DRC8: variants seen among roughly 807,000 people sequenced by gnomAD.
DRC8 encodes the protein dynein regulatory complex protein 8.
chr1:244,982,419 C>T, the DRC8 span, among the ~76,000 whole-genome samples: 1 of 152,206 alleles, frequency 6.6e-6, no homozygotes, highest in African/African-American at 2.4e-5. Context: ...AATCCCAGCA[C>T]TTTGGGAGGC....
chr1:244,995,550 G>A, the DRC8 span, among the ~76,000 whole-genome samples: 2 of 152,002 alleles, frequency 1.3e-5, no homozygotes, highest in Admixed American at 1.3e-4. Context: ...GTAGAGATGA[G>A]GTCTCTCTGT....
chr1:245,113,358 G>A, the DRC8 span, among the ~76,000 whole-genome samples: 1 of 152,148 alleles, frequency 6.6e-6, no homozygotes, highest in Non-Finnish European at 1.5e-5. Flanking sequence ...ATTAGTGGAG[G>A]TTGCTGACCA....
chr1:245,046,256 A>G, the DRC8 span, among the ~76,000 whole-genome samples: 5,265 of 151,364 alleles, frequency 0.035, 322 homozygotes, highest in African/African-American at 0.12. Flanking sequence ...TTTTTTTCCT[A>G]TCTCCTGTAA....
the DRC8 span, among the ~76,000 whole-genome samples, chr1:244,983,105 A>G: frequency 3.3e-5 from 5 of 152,144 alleles, no homozygotes; most frequent in Non-Finnish European, 5.9e-5. Context: ...GTTAAAACAT[A>G]GATTGTTGGG....
At chr1:245,051,673 G>C in the DRC8 span, among the ~76,000 whole-genome samples, 1 of 152,144 alleles carries the variant, frequency 6.6e-6, no homozygotes, top group Non-Finnish European at 1.5e-5. Flanking sequence ...AAAGGAAGCC[G>C]GGAAATAGAA....
the DRC8 span, chr1:245,091,072 T>C: frequency 6.6e-6 from 1 of 152,232 alleles, no homozygotes. Context: ...AGAGACCTGA[T>C]GTGCCACTGG....
the DRC8 span, chr1:245,083,897 C>T: frequency 1.8e-5 from 10 of 564,936 alleles, no homozygotes; most frequent in African/African-American, 9.6e-5. Context: ...GTTGTTGTCT[C>T]GTAGAATTTT....
the DRC8 span, among the ~76,000 whole-genome samples, chr1:244,994,557 G>A: frequency 6.6e-6 from 1 of 152,130 alleles, no homozygotes; most frequent in East Asian, 1.9e-4. Context: ...AGCCTCCCAA[G>A]TAGCTGGGTC....
the DRC8 span, among the ~76,000 whole-genome samples, chr1:245,078,493 T>G: frequency 6.6e-6 from 1 of 152,022 alleles, no homozygotes; most frequent in African/African-American, 2.4e-5. Flanking sequence ...TGGAATATTA[T>G]TCAGCCTTAA....
chr1:245,079,480 G>A, the DRC8 span, among the ~76,000 whole-genome samples: 4 of 152,166 alleles, frequency 2.6e-5, no homozygotes, highest in Non-Finnish European at 5.9e-5. Flanking sequence ...GCACCATAAT[G>A]TTCACATCCC....
At chr1:245,077,463 A>C in the DRC8 span, among the ~76,000 whole-genome samples, 1 of 152,210 alleles carries the variant, frequency 6.6e-6, no homozygotes, top group Non-Finnish European at 1.5e-5. Flanking sequence ...TCACAAATGA[A>C]ATTACAAATT....
chr1:245,025,751 AG>A, the DRC8 span, among the ~76,000 whole-genome samples: 1 of 152,122 alleles, frequency 6.6e-6, no homozygotes, highest in Non-Finnish European at 1.5e-5. Flanking sequence ...ATGTTGTGGG[AG>A]GGACCCGGTA....
the DRC8 span, among the ~76,000 whole-genome samples, chr1:245,019,561 A>T: frequency 6.6e-6 from 1 of 152,014 alleles, no homozygotes; most frequent in Non-Finnish European, 1.5e-5. Flanking sequence ...TTGTAGTGAC[A>T]GGGGTGTTGC....
At chr1:245,011,463 C>T in the DRC8 span, among the ~76,000 whole-genome samples, 1 of 152,234 alleles carries the variant, frequency 6.6e-6, no homozygotes, top group African/African-American at 2.4e-5. Context: ...CTGTTAGCAA[C>T]AGCAAACACC....
the DRC8 span, among the ~76,000 whole-genome samples, chr1:245,072,312 GGTCTCACTCTGTCACCCAGGCTGGA>G: frequency 1.3e-5 from 2 of 151,872 alleles, no homozygotes; most frequent in Non-Finnish European, 2.9e-5. Flanking sequence ...TTTGAGACAG[GGTCTCACTCTGTCACCCAGGCTGGA>G]GTGCCAGTTC....
At chr1:245,068,711 G>A in the DRC8 span, among the ~76,000 whole-genome samples, 1 of 151,762 alleles carries the variant, frequency 6.6e-6, no homozygotes, top group African/African-American at 2.4e-5. Flanking sequence ...CAAAGTGCAG[G>A]GATTACAGGT....
chr1:245,087,455 A>G, the DRC8 span: 1 of 1,448,872 alleles, frequency 6.9e-7, no homozygotes, highest in African/African-American at 1.4e-5. Context: ...TATATGTGAT[A>G]TTTAATACCT....
the DRC8 span, among the ~76,000 whole-genome samples, chr1:245,111,351 A>C: frequency 6.6e-6 from 1 of 152,182 alleles, no homozygotes; most frequent in Non-Finnish European, 1.5e-5. Context: ...ACCGCAGGGC[A>C]AAGTGTCTAG....
At chr1:245,017,606 T>C in the DRC8 span, among the ~76,000 whole-genome samples, 1 of 152,234 alleles carries the variant, frequency 6.6e-6, no homozygotes, top group Admixed American at 6.5e-5. Flanking sequence ...ATTTTAGCTT[T>C]AGTGCTTGGC....
Sources: allele counts gnomAD v4.1 joint callset (sites outside exome capture counted in the v4.1 genomes callset), GRCh38; gene constraint gnomAD v4.1.1; transcripts MANE v1.5; gene names NCBI Gene and HGNC (gene_info 2026-07-23, HGNC 2026-07-21).